SLC4A7: variants seen among roughly 807,000 people sequenced by gnomAD.
SLC4A7 encodes the protein sodium bicarbonate cotransporter 3.
SLC4A7 carries 51 observed loss-of-function variants against 137.6 expected under a neutral mutation model. The observed-to-expected ratio is 0.37, with a 90% CI of 0.30 to 0.47. The LOEUF (loss-of-function observed/expected upper bound fraction) is 0.47, where lower values mean the gene tolerates loss of function less well. Ranked by LOEUF, SLC4A7 falls within the 20% of genes least tolerant of loss-of-function variation. The pLI, the probability that SLC4A7 is intolerant of heterozygous loss-of-function variation, is 1.00. For synonymous variants in SLC4A7, 542 were observed against 518.6 expected, an observed-to-expected ratio of 1.05 and a Z score of -0.61; for missense variants, 1,247 against 1,525.4, an observed-to-expected ratio of 0.82 and a Z score of 3.04.
At chr3:27,408,436 GATTT>G (rs2053592052) in intron 13 of SLC4A7, among the ~76,000 whole-genome samples, 1 of 152,114 alleles carries the variant, frequency 6.6e-6, no homozygotes, top group African/African-American at 2.4e-5. Context: ...AAGGTAAAAA[GATTT>G]TACATAATCC....
At chr3:27,380,035 A>G (rs959758880) in intron 24 of SLC4A7, among the ~76,000 whole-genome samples, 3 of 152,208 alleles carry the variant, frequency 2.0e-5, no homozygotes, top group African/African-American at 4.8e-5. Context: ...TAGGCCGGGC[A>G]TGGTGGCTCA....
At position 27,375,672 on chromosome 3, in the gene SLC4A7, T is replaced by C. The variant is rs2049854177; in HGVS notation, c.*1092A>G. The C allele has an allele frequency of 6.6e-6, 1 of 152,456 alleles. No homozygotes were observed. The highest frequency in any genetic ancestry group is 2.1e-4 in the South Asian group (1 of 4,834). The allele number at this position is 152,456 out of a possible 1,614,324, so 9.4% of individuals were successfully genotyped here. On this transcript the variant is annotated 3_prime_UTR_variant, in exon 26 of 26. Coordinates refer to ENST00000454389, the MANE Select transcript of SLC4A7 (RefSeq NM_001321103.2). ...TTAACAATTTACTCTATTTGTTACT[T>C]TTCCAAATGTTTATATAATATTTAA...
chr3:27,394,804 C>A (rs1400472199), intron 19 of SLC4A7, 35 bp from the exon 20 acceptor site: 3 of 1,592,046 alleles, frequency 1.9e-6, no homozygotes, highest in Non-Finnish European at 1.7e-6. Flanking sequence ...ATCTGTAAGT[C>A]TAAATGGTTC....
At chr3:27,408,123 A>T (rs1276261481) in intron 13 of SLC4A7, among the ~76,000 whole-genome samples, 1 of 152,144 alleles carries the variant, frequency 6.6e-6, no homozygotes, top group Admixed American at 6.5e-5. Context: ...TTTTTCACTT[A>T]ATCACTTTTG....
intron 24 of SLC4A7, among the ~76,000 whole-genome samples, chr3:27,381,644 G>A (rs984847184): frequency 1.3e-5 from 2 of 150,862 alleles, no homozygotes; most frequent in Non-Finnish European, 3.0e-5. Context: ...TGTTACTCCT[G>A]TAAAAGCTAT....
intron 16 of SLC4A7, among the ~76,000 whole-genome samples, chr3:27,398,621 T>A (rs1410766222): frequency 2.6e-5 from 4 of 152,194 alleles, no homozygotes; most frequent in Non-Finnish European, 4.4e-5. Context: ...CTTCAAATAC[T>A]CCTTTCTTTC....
At chr3:27,483,829 G>C (rs1159626861) in intron 1 of SLC4A7, among the ~76,000 whole-genome samples, 1 of 151,360 alleles carries the variant, frequency 6.6e-6, no homozygotes, top group Non-Finnish European at 1.5e-5. Context: ...GATGCCCGCG[G>C]CGCGCCGCCG....
intron 11 of SLC4A7, among the ~76,000 whole-genome samples, chr3:27,416,107 T>C (rs114323072): frequency 5.7e-4 from 87 of 152,346 alleles, no homozygotes; most frequent in African/African-American, 2.1e-3. Flanking sequence ...CTCAAAAGTT[T>C]ACAGTATTGC....
rs761540173 is a variant in SLC4A7 at position 27,385,912 on chromosome 3, T to G, written c.3472A>C (p.Lys1158Gln). 1.3e-6 allele frequency: 2 copies of G among 1,561,166 alleles called. No homozygotes were observed. The highest frequency in any genetic ancestry group is 1.8e-6 in the Non-Finnish European group (2 of 1,141,812). ...PESKKKKEDDKKKKEKEEAER... is the reference protein window; with the variant it reads ...PESKKKKEDDQKKKEKEEAER... ...TTTACCTCTTTCTCTTTTTTCTTTT[T>G]GTCATCTTCTTTCTTTTTCTTACTT... The change falls in exon 23 of 26, where the codon AAA becomes CAA. Residue 1158 changes from lysine to glutamine, a missense_variant. By Grantham distance (53) the Lys-to-Gln change is moderately conservative (BLOSUM62 1). Coordinates refer to ENST00000454389, the MANE Select transcript of SLC4A7 (RefSeq NM_001321103.2).
chr3:27,415,146 T>C (rs1312694272), intron 11 of SLC4A7, among the ~76,000 whole-genome samples: 1 of 152,192 alleles, frequency 6.6e-6, no homozygotes, highest in Admixed American at 6.5e-5. Context: ...ACATTGTGCT[T>C]GGGTGCAAGT....
Position 27,451,499 on chromosome 3 carries a change from C to G in SLC4A7, c.142+918G>C, listed in dbSNP as rs2058073678. The stretch of plus-strand genomic sequence containing the variant: ...TAACCATAACCTCCACCTACTCATG[C>G]CAAAACATCAGACTAAACCCAAACT... On this transcript the variant is annotated intron_variant, in intron 2 of 25. Transcript: ENST00000454389. Among the ~76,000 whole-genome samples, 3 of 151,978 alleles carry G rather than the reference C, an allele frequency of 2.0e-5. No individual in the cohort carries two copies. The South Asian group carries it at 6.2e-4, about 32-fold the overall frequency.
intron 16 of SLC4A7, 112 bp from the exon 17 acceptor site, chr3:27,398,465 T>G: frequency 1.2e-6 from 1 of 826,900 alleles, no homozygotes; most frequent in Non-Finnish European, 1.8e-6. Context: ...GCACCATTAC[T>G]TTGTATTCCT....
chr3:27,484,214 G>A lies in SLC4A7; in HGVS notation c.-88C>T. ...CCGCTGCCCCTGCCGCCGCCGCCGA[G>A]CCCCCGGCGCGCGAGGACAAACGTG... On this transcript the variant is annotated 5_prime_UTR_variant, in exon 1 of 26. Transcript: ENST00000454389. The A allele has an allele frequency of 9.0e-7, 1 of 1,110,862 alleles. No individual in the cohort carries two copies. The highest frequency in any genetic ancestry group is 1.6e-5 in the African/African-American group (1 of 61,272). The allele number at this position is 1,110,862 out of a possible 1,614,324, so 68.8% of individuals were successfully genotyped here.
chr3:27,470,773 T>C (rs955765367), intron 1 of SLC4A7, among the ~76,000 whole-genome samples: 1 of 151,762 alleles, frequency 6.6e-6, no homozygotes, highest in Non-Finnish European at 1.5e-5. Flanking sequence ...AAACCCCGTC[T>C]CTACTAAAAA....
chr3:27,471,055 C>T (rs78206857), intron 1 of SLC4A7, among the ~76,000 whole-genome samples: 23,047 of 152,042 alleles, frequency 0.15, 1,939 homozygotes, highest in South Asian at 0.27. Flanking sequence ...GCCAAATGGC[C>T]GGGAAGCAGA....
rs542864023 is a variant in SLC4A7, at chr3:27,429,182, C to T, written c.1150+2116G>A. On this transcript the variant is annotated intron_variant, in intron 7 of 25. Coordinates refer to ENST00000454389, the MANE Select transcript of SLC4A7 (RefSeq NM_001321103.2). ...TTGGCAGGCTGAGGCAGGAGAATCA[C>T]TTGAACCCGGGAGGCGGAGGTTGCA... 7.7e-3 allele frequency among the ~76,000 whole-genome samples: 1,166 copies of T among 152,032 alleles called. 4 individuals are homozygous for T. Among genetic ancestry groups the T allele is most frequent in the Non-Finnish European group, 0.012 (816 of 67,996 alleles).
intron 18 of SLC4A7, 140 bp from the exon 19 acceptor site, chr3:27,395,255 T>C: frequency 1.8e-6 from 1 of 561,334 alleles, no homozygotes; most frequent in East Asian, 3.1e-5. Flanking sequence ...GGTGAATTAT[T>C]TTCAAAGATG....
At chr3:27,464,006 G>A (rs1367420024) in intron 1 of SLC4A7, among the ~76,000 whole-genome samples, 2 of 152,022 alleles carry the variant, frequency 1.3e-5, no homozygotes, top group African/African-American at 4.8e-5. Context: ...GCAACATAGT[G>A]AAACCCTGGT....
At chr3:27,468,149 G>C (rs9820722) in intron 1 of SLC4A7, among the ~76,000 whole-genome samples, 4,580 of 152,112 alleles carry the variant, frequency 0.03, 95 homozygotes, top group East Asian at 0.065. Flanking sequence ...GGCTGGTCTT[G>C]AACTCCTGAC....
Sources: allele counts gnomAD v4.1 joint callset (sites outside exome capture counted in the v4.1 genomes callset), GRCh38; gene constraint gnomAD v4.1.1; transcripts MANE v1.5; gene names NCBI Gene and HGNC (gene_info 2026-07-23, HGNC 2026-07-21).